MTMR1: variants seen among roughly 807,000 people sequenced by gnomAD.
The protein encoded by MTMR1 is phosphatidylinositol-3-phosphate phosphatase MTMR1.
In MTMR1, 17 loss-of-function variants were observed where a neutral mutation model predicts 51.6. The ratio of observed to expected loss-of-function variants is 0.33; its 90% CI spans 0.23 to 0.49. MTMR1 has a LOEUF of 0.49. MTMR1 is among the 20% of genes least tolerant of loss of function. The pLI, the probability that MTMR1 is intolerant of heterozygous loss-of-function variation, is 0.99. For synonymous variants in MTMR1, 201 were observed against 205.6 expected, an observed-to-expected ratio of 0.98 and a Z score of 0.19; for missense variants, 386 against 526.9, an observed-to-expected ratio of 0.73 and a Z score of 2.62.
intron 15 of MTMR1, among the ~76,000 whole-genome samples, chrX:150,757,461 G>A (rs782786968): frequency 1.8e-5 from 2 of 112,595 alleles, no homozygotes; most frequent in Admixed American, 1.9e-4. Context: ...AGTTGGCCCT[G>A]CCACCCTTAC....
chrX:150,708,207 A>C (rs2041181041), intron 2 of MTMR1, among the ~76,000 whole-genome samples: 1 of 111,788 alleles, frequency 8.9e-6, no homozygotes, highest in South Asian at 3.7e-4. Context: ...GTTTTGTAAT[A>C]TGCTACGACT....
At chrX:150,697,113 C>T (rs1557415767) in intron 1 of MTMR1, among the ~76,000 whole-genome samples, 1 of 112,071 alleles carries the variant, frequency 8.9e-6, no homozygotes, top group Non-Finnish European at 1.9e-5. Flanking sequence ...CAGAAAAAGG[C>T]ATTATGACAA....
chrX:150,727,557 C>T (rs2041979785), intron 5 of MTMR1, 127 bp from the exon 6 acceptor site: 1 of 542,434 alleles, frequency 1.8e-6, no homozygotes, highest in Non-Finnish European at 3.0e-6. Context: ...GTCAATCAGA[C>T]TTCAATTTAG....
Position 150,762,723 on chromosome X carries a change from G to C in MTMR1, c.2016G>C (p.Ser672=). Residue 672 remains serine, a synonymous_variant, in exon 16 of 16, where the codon TCG becomes TCC. Coordinates refer to ENST00000445323, the MANE Select transcript of MTMR1 (RefSeq NM_001306144.3). ...ACTCCGCCACCTCCGTCCACACCTC[G>C]GTCTGATGGGCGAGGTCAGCCTGCT... The part of the protein sequence containing the change: ...PSHSATSVHT[S]V 8.6e-7 allele frequency: 1 copy of C among 1,165,810 alleles called. No individual in the cohort carries two copies. Among genetic ancestry groups the C allele is most frequent in the Non-Finnish European group, 1.1e-6 (1 of 871,425 alleles).
At chrX:150,745,876 G>A (rs1212401023) in intron 13 of MTMR1, among the ~76,000 whole-genome samples, 5 of 112,799 alleles carry the variant, frequency 4.4e-5, no homozygotes, top group African/African-American at 1.6e-4. Flanking sequence ...ACCTTCCAGT[G>A]CTCTGGGTGT....
intron 6 of MTMR1, 61 bp downstream of exon 6, chrX:150,727,852 C>A: frequency 2.4e-6 from 2 of 840,543 alleles, no homozygotes; most frequent in Non-Finnish European, 1.7e-6. Context: ...CTTTTTCTCC[C>A]TCAGTCTCTT....
At chrX:150,744,991 A>G (rs1569565743) in intron 13 of MTMR1, among the ~76,000 whole-genome samples, 4 of 112,454 alleles carry the variant, frequency 3.6e-5, no homozygotes, top group Non-Finnish European at 7.5e-5. Flanking sequence ...CCAAACCCCA[A>G]TGCACAGGGC....
At chrX:150,726,918 A>T (rs1281309766) in intron 4 of MTMR1, among the ~76,000 whole-genome samples, 3 of 111,855 alleles carry the variant, frequency 2.7e-5, no homozygotes, top group Non-Finnish European at 5.6e-5. Flanking sequence ...GAATATGATT[A>T]ATTTATCACC....
intron 2 of MTMR1, among the ~76,000 whole-genome samples, chrX:150,710,058 G>C (rs1362263372): frequency 9.8e-5 from 11 of 112,470 alleles, no homozygotes; most frequent in Non-Finnish European, 2.1e-4. Flanking sequence ...GGGAGGTAGA[G>C]AGGTGGAGGA....
intron 4 of MTMR1, among the ~76,000 whole-genome samples, chrX:150,719,670 G>C (rs1387378627): frequency 2.7e-5 from 3 of 111,978 alleles, no homozygotes; most frequent in Non-Finnish European, 5.6e-5. Flanking sequence ...AACAACACAG[G>C]CGTAAAATGT....
chrX:150,763,606 T>C lies in MTMR1; in HGVS notation c.*877T>C, dbSNP rs1287843189. 10 of 113,063 alleles carry C rather than the reference T, an allele frequency of 8.8e-5. No homozygotes were observed. The highest frequency in any genetic ancestry group is 3.2e-4 in the African/African-American group (10 of 31,205). 9.3% of individuals were successfully genotyped at this position (113,063 alleles called of 1,213,427 possible). On this transcript the variant is annotated 3_prime_UTR_variant, in exon 16 of 16. Transcript: ENST00000445323. The stretch of plus-strand genomic sequence containing the variant: ...CTAGCCATGTCTCCCACCCCCACTT[T>C]ACCGCAGCCAGCTGCTGGGATCAAA...
At chrX:150,709,563 C>G (rs2041234972) in intron 2 of MTMR1, among the ~76,000 whole-genome samples, 1 of 111,760 alleles carries the variant, frequency 8.9e-6, no homozygotes, top group African/African-American at 3.3e-5. Context: ...GGTAATTTGT[C>G]AAGAAAAGAG....
chrX:150,759,675 C>T (rs782152796), intron 15 of MTMR1, among the ~76,000 whole-genome samples: 28 of 109,569 alleles, frequency 2.6e-4, no homozygotes, highest in Middle Eastern at 4.6e-3. Flanking sequence ...ACAAACTGCG[C>T]GACAGATCTG....
At position 150,698,680 on chromosome X, in the gene MTMR1, G is replaced by GCGCACA. The variant is rs1491104991; in HGVS notation, c.147-514_147-513insGCACAC. Reference sequence around the variant, plus strand: ...GGCAAAACCCTGTCTACACGCGCGCGCACACACACACACACACACACACAC... The same window carrying GCGCACA: ...GGCAAAACCCTGTCTACACGCGCGCGCGCACACACACACACACACACACACACACAC... On this transcript the variant is annotated intron_variant, in intron 1 of 15. Transcript: ENST00000445323. 1.2e-3 allele frequency among the ~76,000 whole-genome samples: 73 copies of GCGCACA among 62,961 alleles called. No homozygotes were observed. In the East Asian group the frequency reaches 0.017, roughly 15 times the overall value. 54.7% of individuals were successfully genotyped at this position (62,961 alleles called of 115,157 possible). A position where few individuals can be genotyped will look rare whatever the true frequency, so the allele number is the denominator to read the frequency against.
chrX:150,737,108 C>A, intron 11 of MTMR1, 134 bp from the exon 12 acceptor site: 1 of 536,790 alleles, frequency 1.9e-6, no homozygotes, highest in South Asian at 3.3e-5. Context: ...TAGTGATTCT[C>A]AGCTGATTGC....
chrX:150,743,775 A>G (rs2042501388), intron 12 of MTMR1, among the ~76,000 whole-genome samples: 1 of 112,333 alleles, frequency 8.9e-6, no homozygotes, highest in Non-Finnish European at 1.9e-5. Context: ...GTATGAATCT[A>G]TTGATATCTT....
intron 4 of MTMR1, among the ~76,000 whole-genome samples, chrX:150,720,382 A>G (rs929153227): frequency 8.9e-6 from 1 of 112,433 alleles, no homozygotes; most frequent in African/African-American, 3.2e-5. Flanking sequence ...ATATAATCAT[A>G]GAGTATGTTC....
chrX:150,745,062 C>T (rs147002884), intron 13 of MTMR1, among the ~76,000 whole-genome samples: 1,730 of 112,790 alleles, frequency 0.015, 29 homozygotes, highest in African/African-American at 0.052. Flanking sequence ...GGCCCTTTGG[C>T]TTCAGTTCAA....
chrX:150,757,787 T>C (rs1557417814), intron 15 of MTMR1, among the ~76,000 whole-genome samples: 2 of 112,252 alleles, frequency 1.8e-5, no homozygotes, highest in African/African-American at 6.5e-5. Flanking sequence ...AGGGAGCTGC[T>C]GGGACTTGTG....
Sources: gnomAD v4.1 joint callset for allele counts (sites outside exome capture counted in the v4.1 genomes callset) on GRCh38, gnomAD v4.1.1 for gene constraint, MANE v1.5 for transcripts, NCBI Gene and HGNC (gene_info 2026-07-23, HGNC 2026-07-21) for gene names.